MEI4: variants seen among roughly 807,000 people sequenced by gnomAD.
MEI4 encodes meiosis-specific protein MEI4.
In MEI4, 27 loss-of-function variants were observed where a neutral mutation model predicts 31.4. The observed-to-expected ratio is 0.86, with a 90% CI of 0.63 to 1.19. MEI4 has a LOEUF of 1.19. Among genes scored for constraint, MEI4 ranks in the 50% most tolerant of loss-of-function variants. MEI4 has a pLI of 0.00. For missense variants in MEI4, 329 were observed against 398.9 expected (o/e 0.82, Z 1.49); for synonymous variants, 122 against 145.4 (o/e 0.84, Z 1.16).
chr6:77,658,742 G>A (rs117508916), intron 1 of MEI4, among the ~76,000 whole-genome samples: 12,564 of 152,002 alleles, frequency 0.083, 713 homozygotes, highest in East Asian at 0.22. Flanking sequence ...AAAACTAAAC[G>A]GAAGATACAA....
At chr6:77,687,508 C>G (rs926489014) in intron 1 of MEI4, among the ~76,000 whole-genome samples, 10 of 152,070 alleles carry the variant, frequency 6.6e-5, no homozygotes, top group Non-Finnish European at 1.5e-4. Context: ...GAGTTAGCTT[C>G]AGACTTCACA....
intron 3 of MEI4, among the ~76,000 whole-genome samples, chr6:77,763,853 C>T (rs1561979676): frequency 6.6e-6 from 1 of 151,736 alleles, no homozygotes; most frequent in Non-Finnish European, 1.5e-5. Context: ...CTCACTCTGT[C>T]ACCAGGTTGG....
chr6:77,752,135 A>G (rs1458913507), intron 2 of MEI4, among the ~76,000 whole-genome samples: 1 of 152,174 alleles, frequency 6.6e-6, no homozygotes, highest in Non-Finnish European at 1.5e-5. Context: ...AATAAGAGCT[A>G]TTTATGACAA....
chr6:77,858,139 G>A (rs1399664232), intron 4 of MEI4, among the ~76,000 whole-genome samples: 1 of 152,146 alleles, frequency 6.6e-6, no homozygotes, highest in African/African-American at 2.4e-5. Flanking sequence ...CTAACAGAGA[G>A]TAATTTGTTT....
intron 4 of MEI4, among the ~76,000 whole-genome samples, chr6:77,886,360 G>T (rs141398280): frequency 5.8e-3 from 880 of 151,984 alleles, no homozygotes; most frequent in Non-Finnish European, 9.4e-3. Flanking sequence ...CATGTTTTCT[G>T]TGTCTTCTCA....
At chr6:77,912,780 T>C (rs899527328) in intron 4 of MEI4, among the ~76,000 whole-genome samples, 7 of 152,252 alleles carry the variant, frequency 4.6e-5, no homozygotes, top group African/African-American at 1.7e-4. Flanking sequence ...TTTTCCAATT[T>C]GGATGCATTT....
At chr6:77,747,679 G>A (rs1445488521) in intron 2 of MEI4, among the ~76,000 whole-genome samples, 1 of 152,038 alleles carries the variant, frequency 6.6e-6, no homozygotes, top group Non-Finnish European at 1.5e-5. Flanking sequence ...TCCACCACTG[G>A]TCCCTCTCAA....
intron 4 of MEI4, among the ~76,000 whole-genome samples, chr6:77,915,748 T>A (rs1389623028): frequency 1.3e-5 from 2 of 152,068 alleles, no homozygotes; most frequent in African/African-American, 2.4e-5. Flanking sequence ...AGATCTTTTT[T>A]AATTCTGTCT....
At position 77,866,014 on chromosome 6, in the gene MEI4, T is replaced by G. The variant is rs1024960802; in HGVS notation, c.900+36952T>G. ...TCTCAATAGATGCAGAAAAGGCCTT[T>G]GACAAAATTTAACAACTCTTCATGC... On this transcript the variant is annotated intron_variant, in intron 4 of 4. Coordinates refer to ENST00000684080, the MANE Select transcript of MEI4 (RefSeq NM_001322247.2). 5.9e-5 allele frequency among the ~76,000 whole-genome samples: 9 copies of G among 152,210 alleles called. No individual in the cohort carries two copies. In the South Asian group the frequency reaches 8.3e-4, roughly 14 times the overall value.
At chr6:77,668,750 C>A (rs1276408247) in intron 1 of MEI4, among the ~76,000 whole-genome samples, 1 of 152,148 alleles carries the variant, frequency 6.6e-6, no homozygotes, top group Non-Finnish European at 1.5e-5. Context: ...TCCATACATA[C>A]ACTATTATAT....
chr6:77,804,183 C>A (rs1284171051), intron 3 of MEI4, among the ~76,000 whole-genome samples: 1 of 152,170 alleles, frequency 6.6e-6, no homozygotes, highest in Non-Finnish European at 1.5e-5. Flanking sequence ...GGACGCCCCT[C>A]CCCCAGCCTC....
intron 1 of MEI4, among the ~76,000 whole-genome samples, chr6:77,668,713 A>G (rs1044294192): frequency 6.6e-6 from 1 of 152,216 alleles, no homozygotes; most frequent in African/African-American, 2.4e-5. Context: ...GATTATGAGG[A>G]GGATTAAATA....
intron 1 of MEI4, among the ~76,000 whole-genome samples, chr6:77,662,457 T>C (rs1222550236): frequency 2.0e-5 from 3 of 151,848 alleles, no homozygotes; most frequent in African/African-American, 4.8e-5. Context: ...CCAGGAACAA[T>C]GGTAATTGTG....
chr6:77,831,453 G>A (rs894048597), intron 4 of MEI4, among the ~76,000 whole-genome samples: 82 of 151,426 alleles, frequency 5.4e-4, no homozygotes, highest in African/African-American at 1.9e-3. Flanking sequence ...CACAGTAGCC[G>A]AGATATGAAA....
intron 3 of MEI4, among the ~76,000 whole-genome samples, chr6:77,826,778 C>T (rs1769961176): frequency 6.6e-6 from 1 of 152,146 alleles, no homozygotes; most frequent in African/African-American, 2.4e-5. Context: ...ACTTCTGGAA[C>T]AACAGCACTG....
At chr6:77,747,961 A>T (rs1767659520) in intron 2 of MEI4, among the ~76,000 whole-genome samples, 1 of 152,240 alleles carries the variant, frequency 6.6e-6, no homozygotes, top group Non-Finnish European at 1.5e-5. Context: ...CAAGTGCAGA[A>T]TCCAGTGGGG....
chr6:77,727,766 C>G (rs935534593), intron 2 of MEI4, among the ~76,000 whole-genome samples: 2 of 152,176 alleles, frequency 1.3e-5, no homozygotes, highest in African/African-American at 4.8e-5. Context: ...AATCTTGAAA[C>G]CAGAATCCAT....
intron 4 of MEI4, among the ~76,000 whole-genome samples, chr6:77,862,053 C>T (rs1390988343): frequency 1.7e-5 from 2 of 119,962 alleles, no homozygotes; most frequent in Non-Finnish European, 3.3e-5. Context: ...GGTAGATCCA[C>T]AGCAAAGAAT....
At position 77,759,116 on chromosome 6, in the gene MEI4, T is replaced by C. The variant is rs1767984594; in HGVS notation, c.233-2014T>C. Among the ~76,000 whole-genome samples the C allele has an allele frequency of 2.0e-5, 3 of 152,194 alleles. No homozygotes were observed. In the South Asian group the frequency reaches 6.2e-4, roughly 31 times the overall value. The stretch of plus-strand genomic sequence containing the variant: ...TTAAATTAGCAATTCCAACAGACAT[T>C]TTTTCAACCTATTGTTTTGGTGGAT... On this transcript the variant is annotated intron_variant, in intron 2 of 4. Transcript: ENST00000684080.
Sources: gnomAD v4.1 joint callset for allele counts (sites outside exome capture counted in the v4.1 genomes callset) on GRCh38, gnomAD v4.1.1 for gene constraint, MANE v1.5 for transcripts, NCBI Gene and HGNC (gene_info 2026-07-23, HGNC 2026-07-21) for gene names.